RBKS: variants seen among roughly 807,000 people sequenced by gnomAD.
The protein encoded by RBKS is ribokinase.
Under a neutral mutation model 33.9 loss-of-function variants are expected in RBKS, and 33 were observed. The ratio of observed to expected loss-of-function variants is 0.97; its 90% CI spans 0.74 to 1.30. The LOEUF is 1.30. Ranked by LOEUF, RBKS falls within the 50% of genes most tolerant of loss-of-function variation. RBKS has a pLI of 0.00. For synonymous variants in RBKS, 125 were observed against 143.0 expected, an observed-to-expected ratio of 0.87 and a Z score of 0.90; for missense variants, 361 against 392.6, an observed-to-expected ratio of 0.92 and a Z score of 0.68.
chr2:27,886,085 A>G (rs1664522440), intron 1 of RBKS, among the ~76,000 whole-genome samples: 1 of 152,226 alleles, frequency 6.6e-6, no homozygotes, highest in African/African-American at 2.4e-5. Flanking sequence ...TGAGTGTTCA[A>G]GAAGGAAGAG....
chr2:27,874,330 G>C (rs773562600), intron 1 of RBKS, among the ~76,000 whole-genome samples: 22 of 152,168 alleles, frequency 1.4e-4, no homozygotes, highest in Non-Finnish European at 3.1e-4. Context: ...TCTGTGTGAA[G>C]TTCTGGAGAT....
intron 1 of RBKS, chr2:27,861,597 G>C: frequency 2.1e-6 from 1 of 466,366 alleles, no homozygotes; most frequent in Non-Finnish European, 4.4e-6. Flanking sequence ...TAACCCTGAT[G>C]CAAGTAATAC....
intron 1 of RBKS, among the ~76,000 whole-genome samples, chr2:27,875,889 T>A (rs1413816283): frequency 2.0e-5 from 3 of 151,938 alleles, no homozygotes; most frequent in Admixed American, 2.0e-4. Context: ...TACATACATA[T>A]GGGGATGCAA....
intron 7 of RBKS, among the ~76,000 whole-genome samples, chr2:27,819,941 A>G (rs1678165300): frequency 6.6e-6 from 1 of 152,218 alleles, no homozygotes; most frequent in Non-Finnish European, 1.5e-5. Context: ...AGTGCCCTCA[A>G]TAGGAAGGTA....
Position 27,810,330 on chromosome 2 carries a change from A to C in RBKS, c.795+17237T>G, listed in dbSNP as rs1181560890. Among the ~76,000 whole-genome samples, 1 of 152,154 alleles carries C rather than the reference A, an allele frequency of 6.6e-6. No homozygotes were observed. Among genetic ancestry groups the C allele is most frequent in the Non-Finnish European group, 1.5e-5 (1 of 68,028 alleles). Reference sequence around the variant, plus strand: ...ATTATGTTGCAAAAGAGTTACCTTCAAATGTCAGTTACTTTAAATGAAGGA... The same window carrying C: ...ATTATGTTGCAAAAGAGTTACCTTCCAATGTCAGTTACTTTAAATGAAGGA... On this transcript the variant is annotated intron_variant, in intron 7 of 7. Coordinates refer to ENST00000302188, the MANE Select transcript of RBKS (RefSeq NM_022128.3). This position sits in a 1 kb window ranked among gnomAD's most constrained non-coding sequence, Gnocchi z 4.4.
At chr2:27,842,057 T>TG (rs1323022030) in intron 5 of RBKS, among the ~76,000 whole-genome samples, 1 of 152,170 alleles carries the variant, frequency 6.6e-6, no homozygotes, top group Non-Finnish European at 1.5e-5. Flanking sequence ...ATTCTGCAGA[T>TG]GGAGTATTTC....
intron 7 of RBKS, among the ~76,000 whole-genome samples, chr2:27,789,907 G>GTATATATA: frequency 3.1e-5 from 4 of 127,316 alleles, no homozygotes; most frequent in Admixed American, 8.2e-5. Flanking sequence ...TAGAGTGTGT[G>GTATATATA]TGTGTGTGTT....
intron 1 of RBKS, among the ~76,000 whole-genome samples, chr2:27,880,532 A>G (rs192803876): frequency 6.6e-6 from 1 of 152,302 alleles, no homozygotes; most frequent in Non-Finnish European, 1.5e-5. Flanking sequence ...ATCTTGGCCC[A>G]AAAGCTCCTT....
At position 27,847,069 on chromosome 2, in the gene RBKS, T is replaced by C. The variant is rs747239176; in HGVS notation, c.322A>G (p.Thr108Ala). ...TCATTATTGACAATTATAGAAGCAG[T>C]TCCTGTAGCAGCATCTTTAGTCTGA... ...TYQTKDAATG[T>A]ASIIVNNEGQ... The change falls in exon 4 of 8, where the codon ACT becomes GCT. Residue 108 changes from threonine (T) to alanine (A), a missense_variant. Transcript: ENST00000302188. The C allele has an allele frequency of 1.9e-6, 3 of 1,607,382 alleles. No homozygotes were observed. In the East Asian group the frequency reaches 6.7e-5, roughly 36 times the overall value.
chr2:27,845,896 C>A (rs1429488679), intron 4 of RBKS, among the ~76,000 whole-genome samples: 1 of 152,060 alleles, frequency 6.6e-6, no homozygotes, highest in African/African-American at 2.4e-5. Context: ...TTTAAAAAAA[C>A]TTATGTAGGC....
intron 7 of RBKS, among the ~76,000 whole-genome samples, chr2:27,783,300 C>A (rs1269003703): frequency 6.6e-6 from 1 of 152,148 alleles, no homozygotes. Context: ...CAAACAAAAT[C>A]CCCCAAGATG....
chr2:27,886,112 TAA>T (rs938796138), intron 1 of RBKS, among the ~76,000 whole-genome samples: 1 of 152,224 alleles, frequency 6.6e-6, no homozygotes, highest in African/African-American at 2.4e-5. Flanking sequence ...GAGAAAAATA[TAA>T]GTGAGTATTA....
intron 5 of RBKS, among the ~76,000 whole-genome samples, chr2:27,833,438 T>C (rs1473825786): frequency 6.6e-6 from 1 of 152,126 alleles, no homozygotes; most frequent in African/African-American, 2.4e-5. Context: ...AGTCAGAGGC[T>C]GGTGCTAGCT....
chr2:27,871,423 T>C (rs1664209220), intron 1 of RBKS, among the ~76,000 whole-genome samples: 3 of 152,224 alleles, frequency 2.0e-5, no homozygotes, highest in Admixed American at 2.0e-4. Context: ...GTAATTTAAA[T>C]AGGACTCTTG....
At chr2:27,853,307 A>C (rs766925819) in intron 2 of RBKS, among the ~76,000 whole-genome samples, 1 of 145,758 alleles carries the variant, frequency 6.9e-6, no homozygotes, top group Non-Finnish European at 1.5e-5. Context: ...TTGAGGCTGC[A>C]GTGAGCTGTA....
intron 7 of RBKS, among the ~76,000 whole-genome samples, chr2:27,784,680 G>C (rs1358657121): frequency 2.0e-5 from 3 of 152,184 alleles, no homozygotes; most frequent in African/African-American, 7.2e-5. Flanking sequence ...ACCATGAGTG[G>C]CGTTAAGGAG....
At chr2:27,888,669 T>G (rs1573086669) in intron 1 of RBKS, among the ~76,000 whole-genome samples, 2 of 152,248 alleles carry the variant, frequency 1.3e-5, no homozygotes, top group Non-Finnish European at 2.9e-5. Context: ...AATCAATTGC[T>G]ATATTGTGTT....
intron 7 of RBKS, among the ~76,000 whole-genome samples, chr2:27,802,588 T>C (rs768614182): frequency 1.3e-5 from 2 of 152,136 alleles, no homozygotes; most frequent in Non-Finnish European, 2.9e-5. Context: ...CAGGACCTCT[T>C]GTCCCAAAGA....
intron 1 of RBKS, among the ~76,000 whole-genome samples, chr2:27,867,060 C>T (rs1010649026): frequency 5.3e-5 from 8 of 151,170 alleles, no homozygotes; most frequent in Non-Finnish European, 1.0e-4. Flanking sequence ...GCTCTGATTG[C>T]ACCACTGCAC....
Sources: allele counts gnomAD v4.1 joint callset (sites outside exome capture counted in the v4.1 genomes callset), GRCh38; gene constraint gnomAD v4.1.1; non-coding constraint Gnocchi (gnomAD v3.1); transcripts MANE v1.5; gene names NCBI Gene and HGNC (gene_info 2026-07-23, HGNC 2026-07-21).